Variants in PBX4 observed in about 807,000 individuals in gnomAD.
PBX4 encodes the protein pre-B-cell leukemia transcription factor 4.
PBX4 carries 26 observed loss-of-function variants against 35.1 expected under a neutral mutation model. That is an observed-to-expected ratio of 0.74 (90% confidence interval 0.54 to 1.03). The LOEUF (loss-of-function observed/expected upper bound fraction) is 1.03, where lower values mean the gene tolerates loss of function less well. Among genes scored for constraint, PBX4 ranks in the 50% least tolerant of loss-of-function variants. The pLI is 0.00. For synonymous variants in PBX4, 199 were observed against 204.2 expected, an observed-to-expected ratio of 0.97 and a Z score of 0.22; for missense variants, 448 against 504.3, an observed-to-expected ratio of 0.89 and a Z score of 1.07.
intron 2 of PBX4, chr19:19,588,153 C>G: frequency 1.7e-6 from 2 of 1,177,170 alleles, no homozygotes; most frequent in Non-Finnish European, 2.5e-6. Context: ...CCCAAATAGA[C>G]AATCTTCAGG....
rs547711170 is a variant in PBX4, at chr19:19,562,631, G to A, written c.1033-514C>T. ...CACGTCCAACGGCGCTAAGACGTTT[G>A]TCCACAGGACCCACCCCCACTATGG... On this transcript the variant is annotated intron_variant, in intron 7 of 7. Coordinates refer to ENST00000251203, the MANE Select transcript of PBX4 (RefSeq NM_025245.3). The surrounding 1 kb of genome is among the most constrained non-coding windows in gnomAD (Gnocchi z 4.8). Among the ~76,000 whole-genome samples, 1 of 152,316 alleles carries A rather than the reference G, an allele frequency of 6.6e-6. No individual in the cohort carries two copies. Among genetic ancestry groups the A allele is most frequent in the East Asian group, 1.9e-4 (1 of 5,168 alleles).
intron 3 of PBX4, 132 bp from the exon 4 acceptor site, chr19:19,570,431 G>T: frequency 7.0e-7 from 1 of 1,432,520 alleles, no homozygotes; most frequent in Non-Finnish European, 9.4e-7. Context: ...TTAAGTAAAT[G>T]GAAAGGGCTT....
intron 2 of PBX4, among the ~76,000 whole-genome samples, chr19:19,596,771 T>C (rs1039214273): frequency 6.6e-6 from 1 of 150,962 alleles, no homozygotes; most frequent in African/African-American, 2.4e-5. Context: ...ATACAAAAAT[T>C]AGCTGGGCAA....
At chr19:19,617,614 T>C (rs1686593442) in intron 1 of PBX4, among the ~76,000 whole-genome samples, 1 of 152,092 alleles carries the variant, frequency 6.6e-6, no homozygotes, top group Admixed American at 6.6e-5. Context: ...TTCCCTCCCC[T>C]AAATCATGTA....
At chr19:19,605,128 C>G (rs983690015) in intron 1 of PBX4, among the ~76,000 whole-genome samples, 2 of 150,794 alleles carry the variant, frequency 1.3e-5, no homozygotes, top group Non-Finnish European at 3.0e-5. Context: ...ATAAGAAATA[C>G]AAAAAACTGT....
At chr19:19,589,802 G>T (rs1599363214) in intron 2 of PBX4, among the ~76,000 whole-genome samples, 1 of 152,006 alleles carries the variant, frequency 6.6e-6, no homozygotes, top group South Asian at 2.1e-4. Flanking sequence ...AGTATCTACG[G>T]TGTGCCAATC....
In PBX4 at chr19:19,561,907, A is replaced by T. The variant is rs1217683247; in HGVS notation, c.*118T>A. 3.7e-6 allele frequency: 3 copies of T among 804,224 alleles called. No individual in the cohort carries two copies. The highest frequency in any genetic ancestry group is 1.9e-6 in the Non-Finnish European group (1 of 522,196). The allele number at this position is 804,224 out of a possible 1,614,324, so 49.8% of individuals were successfully genotyped here. ...GGGCCTGGCTGAGGAGCAGGGGCTC[A>T]TGGGCACCACCACCCATCTGGGTTT... On this transcript the variant is annotated 3_prime_UTR_variant, in exon 8 of 8. Transcript: ENST00000251203.
In PBX4 at chr19:19,570,601, T is replaced by C; in HGVS notation, c.426A>G (p.Leu142=). The C allele has an allele frequency of 6.2e-7, 1 of 1,614,112 alleles. No individual in the cohort carries two copies. The highest frequency in any genetic ancestry group is 8.5e-7 in the Non-Finnish European group (1 of 1,179,954). Residue 142 remains leucine, a synonymous_variant, in exon 3 of 8, where the codon CTA becomes CTG. Coordinates refer to ENST00000251203, the MANE Select transcript of PBX4 (RefSeq NM_025245.3). ...GAAAGATCACCTGTTCATATTTCTC[T>C]AGCTCAGAGTGGTAAATCTGTCGGA... ...SQIRQIYHSE[L]EKYEQACREF...
At chr19:19,571,902 G>A (rs1393062287) in intron 2 of PBX4, among the ~76,000 whole-genome samples, 6 of 151,260 alleles carry the variant, frequency 4.0e-5, no homozygotes, top group East Asian at 2.0e-4. Flanking sequence ...GCGTGGTGGC[G>A]CCTGCCTGTA....
intron 4 of PBX4, among the ~76,000 whole-genome samples, 184 bp downstream of exon 4, chr19:19,569,925 T>G (rs1402356887): frequency 6.6e-6 from 1 of 151,838 alleles, no homozygotes; most frequent in Non-Finnish European, 1.5e-5. Flanking sequence ...AATAAATAAA[T>G]AAATACAAAA....
chr19:19,577,299 G>A (rs1018941884), intron 2 of PBX4, among the ~76,000 whole-genome samples: 1 of 151,836 alleles, frequency 6.6e-6, no homozygotes, highest in Non-Finnish European at 1.5e-5. Flanking sequence ...GAAGAGTTTT[G>A]AGATACTGGT....
At chr19:19,578,568 C>T (rs2061435004) in intron 2 of PBX4, among the ~76,000 whole-genome samples, 1 of 152,186 alleles carries the variant, frequency 6.6e-6, no homozygotes, top group Admixed American at 6.5e-5. Flanking sequence ...CTGTCGGAGG[C>T]ACTGACATGG....
At chr19:19,616,217 G>C (rs998248953) in intron 1 of PBX4, among the ~76,000 whole-genome samples, 5 of 152,128 alleles carry the variant, frequency 3.3e-5, no homozygotes, top group Non-Finnish European at 7.4e-5. Context: ...GCTGACAAGT[G>C]GTGAGTGGAG....
chr19:19,581,552 C>T (rs754334781), intron 2 of PBX4, among the ~76,000 whole-genome samples: 28 of 152,234 alleles, frequency 1.8e-4, no homozygotes, highest in Non-Finnish European at 4.0e-4. Context: ...CGGCATTCCA[C>T]GTTCCTGTGT....
chr19:19,579,409 A>G (rs2061439823), intron 2 of PBX4, among the ~76,000 whole-genome samples: 1 of 152,124 alleles, frequency 6.6e-6, no homozygotes, highest in Non-Finnish European at 1.5e-5. Flanking sequence ...TAAGACAGTA[A>G]CATAACCCCA....
intron 2 of PBX4, among the ~76,000 whole-genome samples, chr19:19,572,904 G>A (rs2061394489): frequency 7.5e-6 from 1 of 134,204 alleles, no homozygotes; most frequent in African/African-American, 2.7e-5. Context: ...CTTAGTGCTA[G>A]TTTATTAAGC....
Position 19,563,659 on chromosome 19 carries a change from C to A in PBX4, c.926-44G>T. ...GGGGTGGGCAGAGTCGTGGCGCCTC[C>A]TCAGGTGGAACCCACCCAGCCCCTC... On this transcript the variant is annotated intron_variant, in intron 6 of 7. Coordinates refer to ENST00000251203, the MANE Select transcript of PBX4 (RefSeq NM_025245.3). This position sits in a 1 kb window ranked among gnomAD's most constrained non-coding sequence, Gnocchi z 5.1. 1 of 1,502,190 alleles carries A rather than the reference C, an allele frequency of 6.7e-7. No individual in the cohort carries two copies. The highest frequency in any genetic ancestry group is 9.0e-7 in the Non-Finnish European group (1 of 1,105,204). The allele number at this position is 1,502,190 out of a possible 1,614,324, so 93.1% of individuals were successfully genotyped here. A position where few individuals can be genotyped will look rare whatever the true frequency, so the allele number is the denominator to read the frequency against.
rs1399629615 is a variant in PBX4, at chr19:19,599,374, G to A, written c.120-9C>T. On this transcript the variant is annotated splice_polypyrimidine_tract_variant and intron_variant, in intron 1 of 7. Coordinates refer to ENST00000251203, the MANE Select transcript of PBX4 (RefSeq NM_025245.3). ...AATTCAGAGCATGCTTTCTGAAAGG[G>A]AGGTGACAGAGGAGGGTGTGAGAAA... 1.2e-6 allele frequency: 2 copies of A among 1,608,740 alleles called. No homozygotes were observed. The highest frequency in any genetic ancestry group is 1.7e-6 in the Non-Finnish European group (2 of 1,175,288).
At chr19:19,600,926 T>C (rs1868559981) in intron 1 of PBX4, among the ~76,000 whole-genome samples, 1 of 152,100 alleles carries the variant, frequency 6.6e-6, no homozygotes, top group Admixed American at 6.6e-5. Flanking sequence ...TCCTGGTGCC[T>C]AAGCAGAAGC....
Sources: gnomAD v4.1 joint callset for allele counts (sites outside exome capture counted in the v4.1 genomes callset) on GRCh38, gnomAD v4.1.1 for gene constraint, Gnocchi (gnomAD v3.1) non-coding constraint, MANE v1.5 for transcripts, NCBI Gene and HGNC (gene_info 2026-07-23, HGNC 2026-07-21) for gene names.